Variants in ME3 observed in about 807,000 individuals in gnomAD.
The protein encoded by ME3 is NADP-dependent malic enzyme, mitochondrial.
Under a neutral mutation model 68.9 loss-of-function variants are expected in ME3, and 48 were observed. The observed-to-expected ratio is 0.70, with a 90% confidence interval of 0.55 to 0.89. The LOEUF is 0.89. Ranked by LOEUF, ME3 falls within the 40% of genes least tolerant of loss-of-function variation. ME3 has a pLI of 0.00. For missense variants in ME3, 675 were observed against 797.4 expected, an observed-to-expected ratio of 0.85 and a Z score of 1.85; for synonymous variants, 320 against 318.8, an observed-to-expected ratio of 1.00 and a Z score of -0.04.
chr11:86,504,638 C>T (rs990365774), intron 5 of ME3, among the ~76,000 whole-genome samples: 5 of 151,808 alleles, frequency 3.3e-5, no homozygotes, highest in African/African-American at 1.2e-4. Flanking sequence ...AGGTGATCTG[C>T]CCACCTCGGC....
At chr11:86,503,814 C>T (rs1013602628) in intron 5 of ME3, among the ~76,000 whole-genome samples, 24 of 152,182 alleles carry the variant, frequency 1.6e-4, no homozygotes, top group Non-Finnish European at 1.5e-4. Context: ...TCCTGCGAAG[C>T]TCCTGGGACT....
At chr11:86,503,257 C>T (rs1014530490) in intron 5 of ME3, among the ~76,000 whole-genome samples, 1 of 152,152 alleles carries the variant, frequency 6.6e-6, no homozygotes, top group Admixed American at 6.5e-5. Context: ...GGCATCATAC[C>T]GCATGAGGTG....
At chr11:86,539,760 C>T (rs1440170370) in intron 4 of ME3, among the ~76,000 whole-genome samples, 1 of 152,168 alleles carries the variant, frequency 6.6e-6, no homozygotes, top group Non-Finnish European at 1.5e-5. Flanking sequence ...ATTCTTTGTC[C>T]TTTTAATCTT....
intron 2 of ME3, among the ~76,000 whole-genome samples, chr11:86,671,286 A>T (rs1401121023): frequency 6.6e-6 from 1 of 152,238 alleles, no homozygotes; most frequent in African/African-American, 2.4e-5. Context: ...AATAATAATC[A>T]TAACCTTATT....
chr11:86,500,430 A>G (rs1442536610), intron 5 of ME3, among the ~76,000 whole-genome samples: 1 of 152,126 alleles, frequency 6.6e-6, no homozygotes, highest in East Asian at 1.9e-4. Context: ...TCCACCCGCA[A>G]TCCTACCATG....
chr11:86,594,714 AC>A (rs1258822638), intron 2 of ME3, among the ~76,000 whole-genome samples: 5 of 145,410 alleles, frequency 3.4e-5, no homozygotes, highest in Non-Finnish European at 6.0e-5. Flanking sequence ...AAACAAAAAA[AC>A]GAAACAAAGT....
chr11:86,603,156 C>T (rs1960999059), intron 2 of ME3, among the ~76,000 whole-genome samples: 1 of 152,142 alleles, frequency 6.6e-6, no homozygotes, highest in African/African-American at 2.4e-5. Flanking sequence ...TCAGAGTGAA[C>T]AGGCAGCCTA....
intron 14 of ME3, among the ~76,000 whole-genome samples, chr11:86,442,587 C>G (rs1004581727): frequency 6.6e-6 from 1 of 152,034 alleles, no homozygotes; most frequent in Admixed American, 6.6e-5. Context: ...GACCTTTCTG[C>G]TTGGTGTATT....
At chr11:86,604,217 A>G (rs953817473) in intron 2 of ME3, among the ~76,000 whole-genome samples, 1 of 152,130 alleles carries the variant, frequency 6.6e-6, no homozygotes, top group African/African-American at 2.4e-5. Flanking sequence ...CAGAGAGAAC[A>G]GGCTGTAAAT....
intron 4 of ME3, among the ~76,000 whole-genome samples, chr11:86,519,156 A>G (rs778525337): frequency 1.1e-4 from 16 of 152,220 alleles, no homozygotes; most frequent in Non-Finnish European, 2.2e-4. Context: ...AGTAGTGGTG[A>G]TATCACAATT....
chr11:86,628,447 G>T (rs1454471104), intron 2 of ME3, among the ~76,000 whole-genome samples: 1 of 152,190 alleles, frequency 6.6e-6, no homozygotes, highest in Non-Finnish European at 1.5e-5. Flanking sequence ...TACTTGGGGA[G>T]CTTTTAAAAA....
At position 86,525,267 on chromosome 11, in the gene ME3, A is replaced by G. The variant is rs112860721; in HGVS notation, c.468-16400T>C. On this transcript the variant is annotated intron_variant, in intron 4 of 14. Coordinates refer to ENST00000543262, the Ensembl canonical transcript of ME3. ...ATAATATATGAAAAGTAGTGAGCAC[A>G]ATGCCTGATACATTTCTATTCAAAT... Among the ~76,000 whole-genome samples, 1,104 of 152,304 alleles carry G rather than the reference A, an allele frequency of 7.2e-3. 15 individuals are homozygous for G. Among genetic ancestry groups the G allele is most frequent in the African/African-American group, 0.024 (980 of 41,556 alleles).
chr11:86,660,014 A>G (rs1385477221), intron 2 of ME3, among the ~76,000 whole-genome samples: 1 of 152,208 alleles, frequency 6.6e-6, no homozygotes, highest in East Asian at 1.9e-4. Context: ...ACCAGCTTCA[A>G]CTTCCAGAAC....
intron 2 of ME3, among the ~76,000 whole-genome samples, chr11:86,574,753 T>C (rs1289037077): frequency 6.6e-6 from 1 of 152,346 alleles, no homozygotes; most frequent in East Asian, 1.9e-4. Context: ...TCTTGTAATC[T>C]GAGAGAAGAC....
chr11:86,602,771 A>T lies in ME3; in HGVS notation c.184-42948T>A, dbSNP rs186247949. On this transcript the variant is annotated intron_variant, in intron 2 of 14. Transcript: ENST00000543262. ...ACAGAGATATAGACCAATGGAACAG[A>T]ACAGAGCACTCAGAAATAACGCCAC... Among the ~76,000 whole-genome samples the T allele has an allele frequency of 3.3e-3, 510 of 152,348 alleles. 5 individuals carry two copies. The highest frequency in any genetic ancestry group is 0.012 in the African/African-American group (484 of 41,580).
chr11:86,467,243 G>C lies in ME3; in HGVS notation c.810-2043C>G, dbSNP rs763821314. Reference sequence around the variant, plus strand: ...AATACAGTATTACTAACTGAAGCCTGAGGGTAATTTTTAGACCATAAAATG... The same window carrying C: ...AATACAGTATTACTAACTGAAGCCTCAGGGTAATTTTTAGACCATAAAATG... On this transcript the variant is annotated intron_variant, in intron 7 of 14. Coordinates refer to ENST00000543262, the Ensembl canonical transcript of ME3. 1.5e-4 allele frequency among the ~76,000 whole-genome samples: 23 copies of C among 152,332 alleles called. 1 individual carries two copies. Among genetic ancestry groups the C allele is most frequent in the Admixed American group, 1.0e-3 (16 of 15,296 alleles).
chr11:86,591,519 G>A (rs1959060355), intron 2 of ME3, among the ~76,000 whole-genome samples: 1 of 152,234 alleles, frequency 6.6e-6, no homozygotes, highest in Non-Finnish European at 1.5e-5. Flanking sequence ...GTGGCCATCT[G>A]TAAGCGAAGG....
intron 2 of ME3, among the ~76,000 whole-genome samples, chr11:86,662,081 T>C (rs545955671): frequency 6.6e-6 from 1 of 152,328 alleles, no homozygotes; most frequent in African/African-American, 2.4e-5. Context: ...TGAAAAAAGC[T>C]AATCAGAAGT....
At chr11:86,630,520 G>C (rs1943947797) in intron 2 of ME3, among the ~76,000 whole-genome samples, 1 of 152,200 alleles carries the variant, frequency 6.6e-6, no homozygotes, top group Non-Finnish European at 1.5e-5. Context: ...AGCCACAAGT[G>C]CTTTACACGC....
Sources: allele counts gnomAD v4.1 joint callset (sites outside exome capture counted in the v4.1 genomes callset), GRCh38; gene constraint gnomAD v4.1.1; transcripts MANE v1.5; gene names NCBI Gene and HGNC (gene_info 2026-07-23, HGNC 2026-07-21).